The following ZNF804A variants were observed in gnomAD, a reference collection of about 807,000 sequenced individuals.
ZNF804A encodes zinc finger protein 804A.
A neutral mutation model predicts 16.5 loss-of-function variants in ZNF804A; 2 were observed. That is an observed-to-expected ratio of 0.12 (90% CI 0.05 to 0.38). The LOEUF (loss-of-function observed/expected upper bound fraction) is 0.38, where lower values mean the gene tolerates loss of function less well. ZNF804A is among the 10% of genes least tolerant of loss of function. ZNF804A has a pLI of 0.99. For synonymous variants in ZNF804A, 534 were observed against 489.6 expected (o/e 1.09, Z -1.20); for missense variants, 1,473 against 1,390.7 (o/e 1.06, Z -0.94).
In ZNF804A at chr2:184,866,487, A is replaced by G. The variant is rs774779412; in HGVS notation, c.230A>G (p.Asn77Ser). 1 of 1,611,428 alleles carries G rather than the reference A, an allele frequency of 6.2e-7. No individual in the cohort carries two copies. The highest frequency in any genetic ancestry group is 1.1e-5 in the South Asian group (1 of 90,688). The change falls in exon 2 of 4, where the codon AAT becomes AGT. Residue 77 changes from asparagine to serine, a missense_variant. Transcript: ENST00000302277. ...YKHQEFDNHI[N>S]SYDHAHKQRL... Reference sequence around the variant, plus strand: ...CACCAGGAGTTTGACAATCACATTAATTCATATGACCATGCTCACAAGCAG... The same window carrying G: ...CACCAGGAGTTTGACAATCACATTAGTTCATATGACCATGCTCACAAGCAG...
At chr2:184,796,098 A>T (rs537223960) in intron 1 of ZNF804A, among the ~76,000 whole-genome samples, 1 of 151,944 alleles carries the variant, frequency 6.6e-6, no homozygotes, top group Non-Finnish European at 1.5e-5. Context: ...TCTTTTTGAT[A>T]TGTTGTTGGA....
intron 2 of ZNF804A, among the ~76,000 whole-genome samples, chr2:184,882,472 T>C (rs1480555802): frequency 6.6e-6 from 1 of 152,108 alleles, no homozygotes; most frequent in Admixed American, 6.6e-5. Context: ...CAGATATCTA[T>C]AGAGCACTCT....
intron 1 of ZNF804A, 141 bp downstream of exon 1, chr2:184,599,211 T>G (rs540274085): frequency 1.4e-6 from 1 of 689,686 alleles, no homozygotes; most frequent in East Asian, 2.8e-5. Flanking sequence ...GAGAATTGGG[T>G]GTAGAAAAAG....
At chr2:184,670,035 G>C (rs1326110222) in intron 1 of ZNF804A, among the ~76,000 whole-genome samples, 1 of 151,998 alleles carries the variant, frequency 6.6e-6, no homozygotes, top group Non-Finnish European at 1.5e-5. Context: ...TTTAATGATA[G>C]CTTAGCAGTG....
At chr2:184,603,123 G>A (rs1399465391) in intron 1 of ZNF804A, among the ~76,000 whole-genome samples, 1 of 152,114 alleles carries the variant, frequency 6.6e-6, no homozygotes, top group Admixed American at 6.6e-5. Flanking sequence ...TGTTCCGCAA[G>A]AAAAGAACTG....
chr2:184,610,602 G>C (rs1350427089), intron 1 of ZNF804A, among the ~76,000 whole-genome samples: 1 of 151,922 alleles, frequency 6.6e-6, no homozygotes, highest in Non-Finnish European at 1.5e-5. Flanking sequence ...GCATAATCTA[G>C]TGACCCCCAA....
intron 1 of ZNF804A, among the ~76,000 whole-genome samples, chr2:184,832,647 T>A (rs1008191154): frequency 5.3e-5 from 8 of 151,888 alleles, no homozygotes; most frequent in Non-Finnish European, 1.0e-4. Context: ...TTTTTTATAC[T>A]TTTCATTCTT....
At chr2:184,846,091 C>G (rs998411755) in intron 1 of ZNF804A, among the ~76,000 whole-genome samples, 1 of 152,132 alleles carries the variant, frequency 6.6e-6, no homozygotes, top group African/African-American at 2.4e-5. Context: ...TGTGGACTCT[C>G]AAGCTTCGTA....
At chr2:184,632,246 T>C (rs1691623777) in intron 1 of ZNF804A, among the ~76,000 whole-genome samples, 1 of 152,164 alleles carries the variant, frequency 6.6e-6, no homozygotes, top group Non-Finnish European at 1.5e-5. Flanking sequence ...TGAGTAATCT[T>C]ATCCATCAAG....
At chr2:184,928,897 G>A (rs1272679225) in intron 2 of ZNF804A, among the ~76,000 whole-genome samples, 1 of 152,148 alleles carries the variant, frequency 6.6e-6, no homozygotes, top group African/African-American at 2.4e-5. Context: ...CATGCAGAAT[G>A]GCCACTTCTG....
chr2:184,705,650 T>A (rs1362238768), intron 1 of ZNF804A, among the ~76,000 whole-genome samples: 6 of 152,116 alleles, frequency 3.9e-5, no homozygotes, highest in Admixed American at 3.3e-4. Context: ...TGCTACATGA[T>A]TAATAATTTA....
chr2:184,831,010 C>T (rs1248641537), intron 1 of ZNF804A, among the ~76,000 whole-genome samples: 1 of 151,974 alleles, frequency 6.6e-6, no homozygotes, highest in Non-Finnish European at 1.5e-5. Context: ...AGCTCTGCAA[C>T]AAAGTATGTT....
In ZNF804A at chr2:184,938,216, T is replaced by G; in HGVS notation, c.2820T>G (p.Ser940Arg). Residue 940 changes from serine to arginine, a missense_variant, in exon 4 of 4, where the codon AGT (serine) becomes AGG (arginine). By Grantham distance (110) the Ser-to-Arg change is moderately radical (BLOSUM62 -1). Coordinates refer to ENST00000302277, the MANE Select transcript of ZNF804A (RefSeq NM_194250.2). The stretch of plus-strand genomic sequence containing the variant: ...CCCTGCTTGAACACAAAGAAAGAAG[T>G]GAGAATATAAATCTTAATGAAAAGC... Reference protein sequence around the residue: ...DNTLLEHKERSENINLNEKQI... With the variant: ...DNTLLEHKERRENINLNEKQI... 1 of 1,613,916 alleles carries G rather than the reference T, an allele frequency of 6.2e-7. No homozygotes were observed. The highest frequency in any genetic ancestry group is 8.5e-7 in the Non-Finnish European group (1 of 1,179,968).
chr2:184,642,900 G>A lies in ZNF804A; in HGVS notation c.111+43830G>A, dbSNP rs145830069. Reference sequence around the variant, plus strand: ...ACAACTGCCAAATTTTCTTGATATGGTAATGGATAATGGAGTCATATATAT... The same window carrying A: ...ACAACTGCCAAATTTTCTTGATATGATAATGGATAATGGAGTCATATATAT... On this transcript the variant is annotated intron_variant, in intron 1 of 3. Transcript: ENST00000302277. 7.2e-5 allele frequency among the ~76,000 whole-genome samples: 11 copies of A among 152,194 alleles called. No individual in the cohort carries two copies. In the East Asian group the frequency reaches 2.1e-3, roughly 29 times the overall value.
intron 2 of ZNF804A, among the ~76,000 whole-genome samples, chr2:184,870,005 A>AT (rs993881162): frequency 1.3e-5 from 2 of 151,524 alleles, no homozygotes; most frequent in South Asian, 2.1e-4. Flanking sequence ...CTTTGTTTGA[A>AT]TTTTTTTTTA....
intron 1 of ZNF804A, among the ~76,000 whole-genome samples, chr2:184,782,760 AG>A (rs1694391331): frequency 6.8e-6 from 1 of 146,410 alleles, no homozygotes; most frequent in South Asian, 2.1e-4. Context: ...ACAGTTTTCC[AG>A]TAAGGATTTT....
At chr2:184,737,246 A>C (rs1693637958) in intron 1 of ZNF804A, among the ~76,000 whole-genome samples, 1 of 151,716 alleles carries the variant, frequency 6.6e-6, no homozygotes, top group South Asian at 2.1e-4. Flanking sequence ...TTTTTTTAGT[A>C]GAGACAGGGT....
chr2:184,776,011 A>G (rs1694280387), intron 1 of ZNF804A, among the ~76,000 whole-genome samples: 1 of 151,612 alleles, frequency 6.6e-6, no homozygotes, highest in South Asian at 2.1e-4. Context: ...AGAGCTAGAA[A>G]CATTTATCTT....
chr2:184,659,134 T>C (rs1275797479), intron 1 of ZNF804A, among the ~76,000 whole-genome samples: 2 of 152,180 alleles, frequency 1.3e-5, no homozygotes, highest in Admixed American at 6.5e-5. Flanking sequence ...GGAGAATATA[T>C]GGCTTTTTCT....
Sources: allele counts gnomAD v4.1 joint callset (sites outside exome capture counted in the v4.1 genomes callset), GRCh38; gene constraint gnomAD v4.1.1; transcripts MANE v1.5; gene names NCBI Gene and HGNC (gene_info 2026-07-23, HGNC 2026-07-21).